CSGALNACT1: variants seen among roughly 807,000 people sequenced by gnomAD.
CSGALNACT1 encodes chondroitin sulfate N-acetylgalactosaminyltransferase 1, also known as beta4GalNAcT-1.
In CSGALNACT1, 52 loss-of-function variants were observed where a neutral mutation model predicts 51.0. The observed-to-expected ratio is 1.02, with a 90% CI of 0.82 to 1.29. CSGALNACT1 has a LOEUF of 1.29. Ranked by LOEUF, CSGALNACT1 falls within the 50% of genes most tolerant of loss-of-function variation. The probability of loss-of-function intolerance (pLI) is 0.00; values close to 1 mark genes in which losing one functional copy is unlikely to be tolerated. For synonymous variants in CSGALNACT1, 341 were observed against 254.4 expected (o/e 1.34, Z -3.24); for missense variants, 935 against 679.2 (o/e 1.38, Z -4.19).
chr8:19,551,631 C>A (rs1417794490), intron 3 of CSGALNACT1, among the ~76,000 whole-genome samples: 1 of 152,166 alleles, frequency 6.6e-6, no homozygotes, highest in African/African-American at 2.4e-5. Flanking sequence ...CTGAAGCTTT[C>A]CTAGTTCTGA....
intron 1 of CSGALNACT1, among the ~76,000 whole-genome samples, chr8:19,720,334 G>A (rs761968974): frequency 1.3e-5 from 2 of 152,206 alleles, no homozygotes; most frequent in Admixed American, 6.5e-5. Context: ...TCATGTATCA[G>A]GGAGAGATAA....
At chr8:19,609,141 TTCAA>T (rs2051822932) in intron 1 of CSGALNACT1, among the ~76,000 whole-genome samples, 1 of 151,810 alleles carries the variant, frequency 6.6e-6, no homozygotes. Flanking sequence ...ATTAAATTTA[TTCAA>T]TCAATCCATT....
chr8:19,460,016 GA>G (rs916480714), intron 4 of CSGALNACT1, among the ~76,000 whole-genome samples: 89 of 152,152 alleles, frequency 5.8e-4, no homozygotes, highest in African/African-American at 2.1e-3. Flanking sequence ...CCAATGTAAG[GA>G]TCAAATGATT....
chr8:19,703,012 G>A (rs937388849), intron 1 of CSGALNACT1, among the ~76,000 whole-genome samples: 15 of 152,072 alleles, frequency 9.9e-5, no homozygotes, highest in African/African-American at 2.9e-4. Flanking sequence ...CATGATCACC[G>A]TGGACAGAAT....
chr8:19,685,388 TA>T (rs984394372), upstream of CSGALNACT1, among the ~76,000 whole-genome samples: 2 of 152,132 alleles, frequency 1.3e-5, no homozygotes, highest in African/African-American at 4.8e-5. Flanking sequence ...TGGTCCCAGC[TA>T]ACCAGGAGGC....
intron 4 of CSGALNACT1, among the ~76,000 whole-genome samples, chr8:19,488,940 A>G (rs2073749777): frequency 6.6e-6 from 1 of 152,142 alleles, no homozygotes; most frequent in South Asian, 2.1e-4. Context: ...ATTTTATATA[A>G]ACTCAGGATC....
intron 3 of CSGALNACT1, among the ~76,000 whole-genome samples, chr8:19,530,039 A>C (rs1045627975): frequency 1.3e-5 from 2 of 151,970 alleles, no homozygotes; most frequent in Non-Finnish European, 2.9e-5. Flanking sequence ...GGTCAACATG[A>C]TGAAACTCTG....
chr8:19,474,869 G>GAAAAAAAAAAAAAAAAAAA (rs10683237), intron 4 of CSGALNACT1, among the ~76,000 whole-genome samples: 56 of 86,074 alleles, frequency 6.5e-4, no homozygotes, highest in Admixed American at 1.3e-3. Context: ...CTCTGTCTCA[G>GAAAAAAAAAAAAAAAAAAA]AAAAAAAAAA....
At position 19,451,814 on chromosome 8, in the gene CSGALNACT1, G is replaced by A. The variant is rs185350336; in HGVS notation, c.851+6612C>T. Reference sequence around the variant, plus strand: ...TGCTGATGTGGAAAAACCTGCCCCTGATAATAATCCGCATAGAACTGCAAG... The same window carrying A: ...TGCTGATGTGGAAAAACCTGCCCCTAATAATAATCCGCATAGAACTGCAAG... On this transcript the variant is annotated intron_variant, in intron 5 of 9. Transcript: ENST00000454498. Among the ~76,000 whole-genome samples, 715 of 152,284 alleles carry A rather than the reference G, an allele frequency of 4.7e-3. 25 individuals are homozygous for A. The highest frequency in any genetic ancestry group is 0.046 in the Admixed American group (698 of 15,294).
At chr8:19,514,503 A>ATATATATATG (rs2079114342) in intron 3 of CSGALNACT1, among the ~76,000 whole-genome samples, 1 of 121,124 alleles carries the variant, frequency 8.3e-6, no homozygotes, top group Non-Finnish European at 1.8e-5. Flanking sequence ...ATATATATAT[A>ATATATATATG]TATATATACA....
intron 4 of CSGALNACT1, among the ~76,000 whole-genome samples, chr8:19,489,078 CA>C (rs1397552691): frequency 6.6e-6 from 1 of 152,030 alleles, no homozygotes; most frequent in African/African-American, 2.4e-5. Flanking sequence ...ATGGGGAGAC[CA>C]GGGCACCTAA....
At chr8:19,735,557 G>A (rs2063923814) in intron 1 of CSGALNACT1, among the ~76,000 whole-genome samples, 1 of 152,022 alleles carries the variant, frequency 6.6e-6, no homozygotes, top group Admixed American at 6.6e-5. Context: ...AAAAATTGCA[G>A]ATATTGGAAC....
intron 1 of CSGALNACT1, among the ~76,000 whole-genome samples, chr8:19,642,471 G>C (rs933668789): frequency 1.3e-5 from 2 of 152,050 alleles, no homozygotes; most frequent in African/African-American, 4.8e-5. Context: ...ATGAAGTGAT[G>C]ACAAAAGGCT....
chr8:19,618,224 G>A (rs375250254), intron 1 of CSGALNACT1, among the ~76,000 whole-genome samples: 1 of 152,254 alleles, frequency 6.6e-6, no homozygotes, highest in Middle Eastern at 3.4e-3. Flanking sequence ...TTGTTGCTGA[G>A]AAATAATCAG....
intron 6 of CSGALNACT1, among the ~76,000 whole-genome samples, chr8:19,438,635 G>C (rs56971119): frequency 0.015 from 2,248 of 152,320 alleles, 52 homozygotes; most frequent in African/African-American, 0.051. Context: ...GAGTCACACA[G>C]TCTTTGTGGT....
chr8:19,462,569 G>C (rs1319292385), intron 4 of CSGALNACT1, among the ~76,000 whole-genome samples: 1 of 152,108 alleles, frequency 6.6e-6, no homozygotes, highest in Non-Finnish European at 1.5e-5. Flanking sequence ...TGCATCATCA[G>C]CCCAGGGTGA....
chr8:19,674,732 T>C (rs11776539), intron 1 of CSGALNACT1, among the ~76,000 whole-genome samples: 87,085 of 151,452 alleles, frequency 0.58, 25,236 homozygotes, highest in African/African-American at 0.61. Flanking sequence ...AGGGAAATAA[T>C]TGGGAGCAGG....
chr8:19,667,003 GAAAGAAA>G (rs2059368643), intron 1 of CSGALNACT1, among the ~76,000 whole-genome samples: 2 of 28,604 alleles, frequency 7.0e-5, no homozygotes, highest in Non-Finnish European at 6.5e-5. Flanking sequence ...AAGAAAGAAA[GAAAGAAA>G]GAAAGAAAGG....
intron 3 of CSGALNACT1, among the ~76,000 whole-genome samples, chr8:19,513,477 C>T (rs917095083): frequency 1.9e-5 from 2 of 104,926 alleles, no homozygotes; most frequent in Non-Finnish European, 4.1e-5. Context: ...GTGCCATCTG[C>T]CTGCTGTTAA....
Sources: gnomAD v4.1 joint callset for allele counts (sites outside exome capture counted in the v4.1 genomes callset) on GRCh38, gnomAD v4.1.1 for gene constraint, MANE v1.5 for transcripts, NCBI Gene and HGNC (gene_info 2026-07-23, HGNC 2026-07-21) for gene names.